CEP57: variants seen among roughly 807,000 people sequenced by gnomAD.
CEP57 encodes centrosomal protein 57, also known as centrosomal protein of 57 kDa.
In CEP57, 40 loss-of-function variants were observed where a neutral mutation model predicts 68.0. The observed-to-expected ratio is 0.59, with a 90% CI of 0.46 to 0.77. CEP57 has a LOEUF of 0.77. Ranked by LOEUF, CEP57 falls within the 30% of genes least tolerant of loss-of-function variation. The probability of loss-of-function intolerance (pLI) is 0.00; values close to 1 mark genes in which losing one functional copy is unlikely to be tolerated. For missense variants in CEP57, 606 were observed against 580.7 expected, an observed-to-expected ratio of 1.04 and a Z score of -0.45; for synonymous variants, 219 against 198.7, an observed-to-expected ratio of 1.10 and a Z score of -0.86.
rs765563971 is a variant in CEP57, at chr11:95,813,006, AGT to A, written c.281_282del (p.Val94GlufsTer5). 3 of 1,614,110 alleles carry A rather than the reference AGT, an allele frequency of 1.9e-6. No individual in the cohort carries two copies. Among genetic ancestry groups the A allele is most frequent in the Admixed American group, 3.3e-5 (2 of 60,030 alleles). On this transcript the variant is annotated frameshift_variant, in exon 3 of 11. Coordinates refer to ENST00000325542, the MANE Select transcript of CEP57 (RefSeq NM_014679.5). LOFTEE classifies it high-confidence loss of function. ...LELERIQAEE[S>X]VKTLSRETIE... ...ACTTGAGAGGATTCAGGCAGAAGAA[AGT>A]GTGAAAACCTTGTCTAGAGAAACAA... is the stretch of plus-strand genomic sequence containing the variant.
At chr11:95,831,003 C>T in intron 10 of CEP57, 23 bp from the exon 11 acceptor site, 1 of 1,545,238 alleles carries the variant, frequency 6.5e-7, no homozygotes, top group South Asian at 1.1e-5. Context: ...CCTTTTCCTT[C>T]CTGCCTTGGT....
chr11:95,799,429 T>A lies in CEP57; in HGVS notation c.202+41T>A. The stretch of plus-strand genomic sequence containing the variant: ...GAAATAAATGTTATTTGTGTTTTCT[T>A]GCTGCTTTAAAATTCTTAACTTTGT... On this transcript the variant is annotated intron_variant, in intron 2 of 10. Coordinates refer to ENST00000325542, the MANE Select transcript of CEP57 (RefSeq NM_014679.5). 1.9e-6 allele frequency: 3 copies of A among 1,611,400 alleles called. No homozygotes were observed. In the South Asian group the frequency reaches 3.3e-5, roughly 18 times the overall value.
chr11:95,795,933 C>G (rs1486610731), intron 1 of CEP57, among the ~76,000 whole-genome samples: 1 of 152,176 alleles, frequency 6.6e-6, no homozygotes, highest in Non-Finnish European at 1.5e-5. Flanking sequence ...GCTTGCCTAT[C>G]AGAATACATG....
intron 1 of CEP57, among the ~76,000 whole-genome samples, chr11:95,792,880 A>C (rs1469433131): frequency 6.6e-6 from 1 of 152,156 alleles, no homozygotes; most frequent in Non-Finnish European, 1.5e-5. Context: ...TTGGAAAAGC[A>C]CTTAGCTTAT....
At chr11:95,810,056 C>G (rs1204508495) in intron 2 of CEP57, among the ~76,000 whole-genome samples, 1 of 152,172 alleles carries the variant, frequency 6.6e-6, no homozygotes, top group Non-Finnish European at 1.5e-5. Context: ...GTACACAAAT[C>G]AGTAAACGTA....
At chr11:95,804,680 C>G (rs571816042) in intron 2 of CEP57, among the ~76,000 whole-genome samples, 10 of 152,242 alleles carry the variant, frequency 6.6e-5, no homozygotes, top group South Asian at 6.2e-4. Context: ...GACTTGAATA[C>G]ATAATGAGAG....
rs981314467 is a variant in CEP57 at position 95,829,218 on chromosome 11, G to A, written c.1159G>A (p.Glu387Lys). Residue 387 changes from glutamate to lysine, a missense_variant, in exon 10 of 11, where the codon GAG (glutamate) becomes AAG (lysine). By Grantham distance (56) the Glu-to-Lys change is moderately conservative (BLOSUM62 1). Coordinates refer to ENST00000325542, the MANE Select transcript of CEP57 (RefSeq NM_014679.5). ...CCAGCAGCTTGCAAAACTTATCCAGGAGTCGCCAACCGTTGAACTGAAAGA... is the reference window on the plus strand; with the variant it reads ...CCAGCAGCTTGCAAAACTTATCCAGAAGTCGCCAACCGTTGAACTGAAAGA... Reference protein sequence around the residue: ...DHQQLAKLIQESPTVELKDKL... With the variant: ...DHQQLAKLIQKSPTVELKDKL... The A allele has an allele frequency of 2.5e-6, 4 of 1,613,800 alleles. No individual in the cohort carries two copies. In the Admixed American group the frequency reaches 6.7e-5, roughly 27 times the overall value.
At chr11:95,817,933 A>C in intron 5 of CEP57, 30 bp downstream of exon 5, 7 of 1,361,054 alleles carry the variant, frequency 5.1e-6, no homozygotes, top group Non-Finnish European at 7.4e-6. Context: ...TATTGTTAAC[A>C]TATATCAGGG....
rs570828546 is a variant in CEP57 at position 95,794,413 on chromosome 11, T to G, written c.45+3670T>G. 7.1e-4 allele frequency: 311 copies of G among 436,852 alleles called. 1 individual carries two copies. The highest frequency in any genetic ancestry group is 1.3e-3 in the Non-Finnish European group (278 of 216,572). The allele number at this position is 436,852 out of a possible 1,614,324, so 27.1% of individuals were successfully genotyped here. On this transcript the variant is annotated intron_variant, in intron 1 of 10. Transcript: ENST00000325542. ...ATACTAAATTGTTTTACCAAGTGAT[T>G]ATACCAACAACCCTCTTTATTTTAT... is the stretch of plus-strand genomic sequence containing the variant.
intron 1 of CEP57, 41 bp downstream of exon 1, chr11:95,790,784 A>C (rs777511902): frequency 1.2e-6 from 2 of 1,610,810 alleles, no homozygotes; most frequent in East Asian, 4.5e-5. Context: ...CGTCGGCCCT[A>C]AGCGCCTCTT....
At chr11:95,790,824 A>C (rs935887568) in intron 1 of CEP57, 81 bp downstream of exon 1, 94 of 1,524,858 alleles carry the variant, frequency 6.2e-5, no homozygotes, top group African/African-American at 1.6e-4. Flanking sequence ...GGGCGCTGTC[A>C]GTCCAGCTTC....
chr11:95,791,635 T>C (rs1003097290), intron 1 of CEP57, among the ~76,000 whole-genome samples: 1 of 152,184 alleles, frequency 6.6e-6, no homozygotes, highest in Non-Finnish European at 1.5e-5. Context: ...CAGTATAGTT[T>C]AGGAAGTGCT....
chr11:95,809,737 C>A (rs1861967837), intron 2 of CEP57, among the ~76,000 whole-genome samples: 1 of 152,104 alleles, frequency 6.6e-6, no homozygotes, highest in Non-Finnish European at 1.5e-5. Context: ...AAGTCCAGGA[C>A]CAGACGGATT....
intron 1 of CEP57, among the ~76,000 whole-genome samples, chr11:95,791,242 A>G (rs928148265): frequency 6.6e-6 from 1 of 152,012 alleles, no homozygotes; most frequent in Non-Finnish European, 1.5e-5. Flanking sequence ...ATCCACATTA[A>G]CTTCGTTGTG....
chr11:95,831,262 A>T lies in CEP57; in HGVS notation c.*6A>T. 6.3e-7 allele frequency: 1 copy of T among 1,591,988 alleles called. No homozygotes were observed. The highest frequency in any genetic ancestry group is 8.6e-7 in the Non-Finnish European group (1 of 1,160,518). ...GTTTGTGTTGGGATTACTGACTCATAACCAGGTCAGAAATTTTATTCAGAT... is the reference window on the plus strand; with the variant it reads ...GTTTGTGTTGGGATTACTGACTCATTACCAGGTCAGAAATTTTATTCAGAT... On this transcript the variant is annotated 3_prime_UTR_variant, in exon 11 of 11. Coordinates refer to ENST00000325542, the MANE Select transcript of CEP57 (RefSeq NM_014679.5).
chr11:95,822,782 A>T (rs1186290108), intron 8 of CEP57: 3 of 568,950 alleles, frequency 5.3e-6, no homozygotes, highest in East Asian at 6.1e-5. Context: ...CTTAAAGTAG[A>T]TAAAGTATAT....
chr11:95,832,417 C>T lies in CEP57; in HGVS notation c.*1161C>T, dbSNP rs1293228493. 2 of 150,218 alleles carry T rather than the reference C, an allele frequency of 1.3e-5. No homozygotes were observed. Among genetic ancestry groups the T allele is most frequent in the African/African-American group, 2.4e-5 (1 of 41,276 alleles). The allele number at this position is 150,218 out of a possible 1,614,324, so 9.3% of individuals were successfully genotyped here. Reference sequence around the variant, plus strand: ...GATTTCCTCATGATACAAGATACTACAGTAACAGGCTTTAATTTAGGATCC... The same window carrying T: ...GATTTCCTCATGATACAAGATACTATAGTAACAGGCTTTAATTTAGGATCC... On this transcript the variant is annotated 3_prime_UTR_variant, in exon 11 of 11. Transcript: ENST00000325542.
rs1862164204 is a variant in CEP57 at position 95,813,477 on chromosome 11, C to T, written c.392C>T (p.Ser131Phe). 2 of 1,611,898 alleles carry T rather than the reference C, an allele frequency of 1.2e-6. No homozygotes were observed. Among genetic ancestry groups the T allele is most frequent in the Non-Finnish European group, 8.5e-7 (1 of 1,179,688 alleles). ...TATGTATTCTTTTTAGAACTGACAT[C>T]TCAGTTGTTAGCTGCAGAAAATAAA... ...EESKHNQELTSQLLAAENKCN... is the reference protein window; with the variant it reads ...EESKHNQELTFQLLAAENKCN... The change falls in exon 4 of 11, where the codon TCT (serine) becomes TTT (phenylalanine). Residue 131 changes from serine (S) to phenylalanine (F), a missense_variant. Physicochemically the swap from Ser to Phe is radical, Grantham distance 155. Coordinates refer to ENST00000325542, the MANE Select transcript of CEP57 (RefSeq NM_014679.5).
Position 95,813,541 on chromosome 11 carries a change from T to C in CEP57, c.456T>C (p.Asn152=). Residue 152 remains asparagine, a synonymous_variant, in exon 4 of 11, where the codon AAT becomes AAC. Transcript: ENST00000325542. ...LLEKQLEYMR[N]MIKHAEMERT... is the part of the protein sequence containing the mutation. ...AAAAACAATTGGAATACATGCGAAA[T>C]ATGATAAAGCATGCCGAAATGGAGA... 6.2e-7 allele frequency: 1 copy of C among 1,613,246 alleles called. No homozygotes were observed. The highest frequency in any genetic ancestry group is 8.5e-7 in the Non-Finnish European group (1 of 1,179,970).
Sources: gnomAD v4.1 joint callset for allele counts (sites outside exome capture counted in the v4.1 genomes callset) on GRCh38, gnomAD v4.1.1 for gene constraint, MANE v1.5 for transcripts, NCBI Gene and HGNC (gene_info 2026-07-23, HGNC 2026-07-21) for gene names.